Variants in DPP6 observed in about 807,000 individuals in gnomAD.
DPP6 encodes A-type potassium channel modulatory protein DPP6.
Under a neutral mutation model 122.6 loss-of-function variants are expected in DPP6, and 69 were observed. The observed-to-expected ratio is 0.56, with a 90% CI of 0.46 to 0.69. DPP6 has a LOEUF of 0.69. Among genes scored for constraint, DPP6 ranks in the 30% least tolerant of loss-of-function variants. DPP6 has a pLI of 0.00. For synonymous variants in DPP6, 418 were observed against 433.1 expected, an observed-to-expected ratio of 0.97 and a Z score of 0.43; for missense variants, 928 against 1,116.9, an observed-to-expected ratio of 0.83 and a Z score of 2.41.
At chr7:154,327,455 G>A (rs999148571) in intron 1 of DPP6, among the ~76,000 whole-genome samples, 2 of 152,028 alleles carry the variant, frequency 1.3e-5, no homozygotes, top group Admixed American at 1.3e-4. Context: ...AACAGATTGC[G>A]AGTGAAGATA....
At chr7:153,948,971 T>C (rs1410879622) in intron 1 of DPP6, among the ~76,000 whole-genome samples, 2 of 152,062 alleles carry the variant, frequency 1.3e-5, no homozygotes, top group African/African-American at 4.8e-5. Flanking sequence ...CTTTAAAAGC[T>C]CACAGTTAAT....
At chr7:154,170,568 C>T (rs1797485260) in intron 1 of DPP6, among the ~76,000 whole-genome samples, 1 of 152,124 alleles carries the variant, frequency 6.6e-6, no homozygotes, top group South Asian at 2.1e-4. Flanking sequence ...ATAGAGGTTC[C>T]TTATTTATTA....
Position 154,362,143 on chromosome 7 carries a change from A to G in DPP6, c.244-84071A>G, listed in dbSNP as rs61550455. Among the ~76,000 whole-genome samples, 1,510 of 152,344 alleles carry G rather than the reference A, an allele frequency of 9.9e-3. 29 individuals carry two copies. Among genetic ancestry groups the G allele is most frequent in the African/African-American group, 0.035 (1,458 of 41,562 alleles). On this transcript the variant is annotated intron_variant, in intron 1 of 25. Coordinates refer to ENST00000377770, the MANE Select transcript of DPP6 (RefSeq NM_130797.4). ...AAAACACATAAAGTAACTCAGCGTC[A>G]TCCTTTCTTGTTCACACTGGAAGAA...
chr7:153,955,874 T>C (rs1452779963), intron 1 of DPP6, among the ~76,000 whole-genome samples: 1 of 152,204 alleles, frequency 6.6e-6, no homozygotes, highest in African/African-American at 2.4e-5. Flanking sequence ...TTAACCCATG[T>C]GCACTCTCAG....
At chr7:154,794,050 G>A (rs1797853762) in intron 10 of DPP6, 29 bp from the exon 11 acceptor site, 2 of 1,604,626 alleles carry the variant, frequency 1.2e-6, no homozygotes, top group African/African-American at 1.3e-5. Flanking sequence ...GTCCTGCCAA[G>A]CTGCTCATGC....
intron 1 of DPP6, chr7:154,092,692 A>G (rs4725525): frequency 0.59 from 89,638 of 151,902 alleles, 26,769 homozygotes; most frequent in African/African-American, 0.67. Flanking sequence ...TTAAGGTGGC[A>G]TCTGTAAGGT....
intron 1 of DPP6, among the ~76,000 whole-genome samples, chr7:154,261,721 T>A (rs1803033389): frequency 6.6e-6 from 1 of 151,896 alleles, no homozygotes. Flanking sequence ...CATCGAAAAG[T>A]GAGCTAAGGA....
intron 5 of DPP6, among the ~76,000 whole-genome samples, chr7:154,612,390 T>C (rs1563009524): frequency 6.6e-6 from 1 of 152,252 alleles, no homozygotes; most frequent in African/African-American, 2.4e-5. Flanking sequence ...AAGAATGTTA[T>C]ATAAACAGAT....
At chr7:154,442,880 C>T (rs1819509829) in intron 1 of DPP6, among the ~76,000 whole-genome samples, 1 of 152,162 alleles carries the variant, frequency 6.6e-6, no homozygotes, top group Non-Finnish European at 1.5e-5. Context: ...GCCTTGTTGG[C>T]CGCTCCTGTT....
chr7:153,804,184 G>A, the DPP6 span, among the ~76,000 whole-genome samples: 1 of 151,952 alleles, frequency 6.6e-6, no homozygotes, highest in Non-Finnish European at 1.5e-5. Flanking sequence ...TGAGTAGCTG[G>A]AATTACAGGT....
At chr7:153,804,053 C>CTTT in the DPP6 span, among the ~76,000 whole-genome samples, 394 of 145,474 alleles carry the variant, frequency 2.7e-3, no homozygotes, top group Middle Eastern at 7.1e-3. Context: ...ATCCCTAGTA[C>CTTT]TTTTTTTTTT....
At chr7:153,865,120 T>C in the DPP6 span, among the ~76,000 whole-genome samples, 5 of 152,098 alleles carry the variant, frequency 3.3e-5, no homozygotes, top group South Asian at 1.0e-3. Flanking sequence ...ATCTTACATG[T>C]AGTAAATGTA....
At chr7:154,668,104 C>A (rs1211971492) in intron 6 of DPP6, among the ~76,000 whole-genome samples, 1 of 148,376 alleles carries the variant, frequency 6.7e-6, no homozygotes, top group Non-Finnish European at 1.5e-5. Context: ...TTTGTTCATG[C>A]AACCCCTGAA....
At chr7:154,450,768 G>A (rs146447602) in intron 2 of DPP6, among the ~76,000 whole-genome samples, 4 of 152,156 alleles carry the variant, frequency 2.6e-5, no homozygotes, top group Non-Finnish European at 5.9e-5. Context: ...GTTTTATGGT[G>A]GTGGTGCTGA....
intron 7 of DPP6, among the ~76,000 whole-genome samples, chr7:154,677,246 G>A (rs1024445587): frequency 4.6e-5 from 7 of 152,094 alleles, no homozygotes; most frequent in African/African-American, 1.4e-4. Context: ...TTCTTAATAC[G>A]CCAACAGCGA....
intron 3 of DPP6, among the ~76,000 whole-genome samples, chr7:154,508,354 C>T (rs1825816314): frequency 6.6e-6 from 1 of 152,110 alleles, no homozygotes; most frequent in Non-Finnish European, 1.5e-5. Flanking sequence ...TCCATGGAGT[C>T]CTTCAGGGAC....
rs189399125 is a variant in DPP6 at position 153,935,464 on chromosome 7, C to T, written c.51+47730C>T. On this transcript the variant is annotated intron_variant, in intron 1 of 25. Transcript: ENST00000404039. ...ACCCAGGCTTCTCTCCCTAACCTGCCGCACAGAGTGGAACCTGCCCCTGGC... is the reference window on the plus strand; with the variant it reads ...ACCCAGGCTTCTCTCCCTAACCTGCTGCACAGAGTGGAACCTGCCCCTGGC... 1.9e-3 allele frequency among the ~76,000 whole-genome samples: 282 copies of T among 152,270 alleles called. 4 individuals carry two copies. Among genetic ancestry groups the T allele is most frequent in the South Asian group, 1.7e-3 (8 of 4,818 alleles).
At chr7:154,089,847 C>G (rs1444663994) in intron 1 of DPP6, among the ~76,000 whole-genome samples, 2 of 152,120 alleles carry the variant, frequency 1.3e-5, no homozygotes, top group Non-Finnish European at 2.9e-5. Flanking sequence ...ATTTCACTAG[C>G]ACAATTATCA....
intron 1 of DPP6, among the ~76,000 whole-genome samples, chr7:154,169,854 C>T (rs987761457): frequency 1.3e-5 from 2 of 152,110 alleles, no homozygotes; most frequent in African/African-American, 4.8e-5. Flanking sequence ...CCTCAGCCTC[C>T]CAAGTAGCTG....
Sources: gnomAD v4.1 joint callset for allele counts (sites outside exome capture counted in the v4.1 genomes callset) on GRCh38, gnomAD v4.1.1 for gene constraint, MANE v1.5 for transcripts, NCBI Gene and HGNC (gene_info 2026-07-23, HGNC 2026-07-21) for gene names.